Variants in OTOGL observed in about 807,000 individuals in gnomAD.
The protein encoded by OTOGL is otogelin-like protein.
In OTOGL, 285 loss-of-function variants were observed where a neutral mutation model predicts 318.5. The ratio of observed to expected loss-of-function variants is 0.89; its 90% CI spans 0.81 to 0.99. The LOEUF (loss-of-function observed/expected upper bound fraction) is 0.99, where lower values mean the gene tolerates loss of function less well. Ranked by LOEUF, OTOGL falls within the 50% of genes least tolerant of loss-of-function variation. The probability of loss-of-function intolerance (pLI) is 0.00; values close to 1 mark genes in which losing one functional copy is unlikely to be tolerated. For missense variants in OTOGL, 2,899 were observed against 2,845.6 expected (o/e 1.02, Z -0.43); for synonymous variants, 987 against 936.5 (o/e 1.05, Z -0.99).
At chr12:80,275,350 A>C (rs1022562313) in intron 24 of OTOGL, among the ~76,000 whole-genome samples, 20 of 151,944 alleles carry the variant, frequency 1.3e-4, no homozygotes, top group African/African-American at 4.8e-4. Context: ...GATGCAAAGG[A>C]AATAGCAAGA....
At chr12:80,352,150 GAATTTT>G in intron 44 of OTOGL, 139 bp from the exon 45 acceptor site, 4 of 682,608 alleles carry the variant, frequency 5.9e-6, no homozygotes, top group Non-Finnish European at 9.4e-6. Context: ...TTAATATTAA[GAATTTT>G]TGAAAATGTA....
Position 80,233,019 on chromosome 12 carries a change from G to A in OTOGL, c.739G>A (p.Glu247Lys). ...GISGIYLKLS[E>K]DHKGKSCGLC... is the part of the protein sequence containing the mutation. ...ATCTGGGATCTACCTCAAGCTGTCT[G>A]AGGACCATAAGGGGAAATCATGTGG... is the stretch of plus-strand genomic sequence containing the variant. Residue 247 changes from glutamate to lysine, a missense_variant, in exon 9 of 59, where the codon GAG becomes AAG. Physicochemically the swap from Glu to Lys is moderately conservative, Grantham distance 56. Around this residue, in one of 3 missense-constraint regions of OTOGL, gnomAD observed 2,607 missense variants for 2,524.9 expected, o/e 1.03. Coordinates refer to ENST00000547103, the MANE Select transcript of OTOGL (RefSeq NM_001378609.3). 1 of 1,598,794 alleles carries A rather than the reference G, an allele frequency of 6.3e-7. No homozygotes were observed. The highest frequency in any genetic ancestry group is 8.5e-7 in the Non-Finnish European group (1 of 1,179,192).
At chr12:80,368,383 TC>T (rs57527553) in intron 55 of OTOGL, 74 bp downstream of exon 55, 5 of 708,212 alleles carry the variant, frequency 7.1e-6, no homozygotes, top group Non-Finnish European at 7.2e-6. Flanking sequence ...TTGGAAAATG[TC>T]CCCCCCCACA....
chr12:80,377,460 C>A (rs1389779270), intron 58 of OTOGL, among the ~76,000 whole-genome samples: 1 of 152,102 alleles, frequency 6.6e-6, no homozygotes, highest in African/African-American at 2.4e-5. Context: ...TACATGTTGT[C>A]TTCACTATGC....
rs1869937933 is a variant in OTOGL, at chr12:80,112,896, T to C, written c.-20+13291T>C. Reference sequence around the variant, plus strand: ...AATCTGTCTGGTCCTGGACTTTTTTTGGTTGGTAGGCTATTAATTACTGTC... The same window carrying C: ...AATCTGTCTGGTCCTGGACTTTTTTCGGTTGGTAGGCTATTAATTACTGTC... On this transcript the variant is annotated intron_variant, in intron 1 of 58. Coordinates refer to ENST00000547103, the MANE Select transcript of OTOGL (RefSeq NM_001378609.3). 3.9e-5 allele frequency among the ~76,000 whole-genome samples: 6 copies of C among 152,262 alleles called. No homozygotes were observed. The South Asian group carries it at 1.2e-3, about 32-fold the overall frequency.
intron 34 of OTOGL, among the ~76,000 whole-genome samples, chr12:80,322,237 A>G (rs1310048238): frequency 6.6e-6 from 1 of 152,202 alleles, no homozygotes; most frequent in Non-Finnish European, 1.5e-5. Flanking sequence ...ATAGCATTCC[A>G]TACAGTGGAT....
chr12:80,309,008 G>GAGAGGA (rs1886451353), intron 29 of OTOGL, among the ~76,000 whole-genome samples: 1 of 129,894 alleles, frequency 7.7e-6, no homozygotes, highest in Non-Finnish European at 1.7e-5. Context: ...GAGGGAGAGG[G>GAGAGGA]AGAGAAGAAG....
chr12:80,341,120 A>C (rs1888743091), intron 43 of OTOGL, among the ~76,000 whole-genome samples: 1 of 152,056 alleles, frequency 6.6e-6, no homozygotes, highest in Non-Finnish European at 1.5e-5. Context: ...AATATGTCTT[A>C]AAGTCGGGTG....
At chr12:80,174,865 C>T (rs1475131452) in intron 1 of OTOGL, among the ~76,000 whole-genome samples, 1 of 151,994 alleles carries the variant, frequency 6.6e-6, no homozygotes, top group East Asian at 1.9e-4. Context: ...TTGCCCACTT[C>T]TCATTACCAT....
intron 24 of OTOGL, among the ~76,000 whole-genome samples, chr12:80,275,653 A>C (rs1047550571): frequency 3.3e-5 from 5 of 151,980 alleles, no homozygotes; most frequent in Admixed American, 6.6e-5. Context: ...CTACAGAGAA[A>C]TCTTTTGTGA....
chr12:80,238,786 G>A (rs1880089108), intron 9 of OTOGL, 65 bp from the exon 10 acceptor site: 5 of 1,356,148 alleles, frequency 3.7e-6, no homozygotes, highest in African/African-American at 3.0e-5. Flanking sequence ...AACCATGTCT[G>A]TTTGTGGAAA....
At chr12:80,239,804 A>G (rs1306575299) in intron 11 of OTOGL, among the ~76,000 whole-genome samples, 2 of 151,926 alleles carry the variant, frequency 1.3e-5, no homozygotes, top group African/African-American at 4.8e-5. Flanking sequence ...AGTCCCCCCT[A>G]CTTTTCTATC....
At chr12:80,225,100 A>AT (rs879317243) in intron 7 of OTOGL, among the ~76,000 whole-genome samples, 1 of 152,126 alleles carries the variant, frequency 6.6e-6, no homozygotes, top group Non-Finnish European at 1.5e-5. Context: ...GTAAAAAAAA[A>AT]GAAATGAGAT....
At chr12:80,278,607 A>G (rs1401626542) in intron 25 of OTOGL, among the ~76,000 whole-genome samples, 1 of 151,612 alleles carries the variant, frequency 6.6e-6, no homozygotes, top group Non-Finnish European at 1.5e-5. Context: ...AGGTAAGTCA[A>G]AAGAATACCA....
chr12:80,147,029 A>C (rs1189733229), intron 1 of OTOGL, among the ~76,000 whole-genome samples: 6 of 151,000 alleles, frequency 4.0e-5, no homozygotes, highest in Non-Finnish European at 8.9e-5. Context: ...TAATTTTTTG[A>C]AGGGTTTTTT....
At chr12:80,364,581 C>T (rs1010358392) in intron 52 of OTOGL, among the ~76,000 whole-genome samples, 2 of 152,076 alleles carry the variant, frequency 1.3e-5, no homozygotes, top group African/African-American at 2.4e-5. Context: ...TCTCTCCAAA[C>T]TCTCCAGCCC....
intron 19 of OTOGL, among the ~76,000 whole-genome samples, chr12:80,263,635 A>G (rs79307438): frequency 0.067 from 10,151 of 152,168 alleles, 472 homozygotes; most frequent in Middle Eastern, 0.11. Flanking sequence ...TGCTATGTAC[A>G]TGCATACATA....
intron 5 of OTOGL, 132 bp downstream of exon 5, chr12:80,217,796 T>C: frequency 3.3e-6 from 2 of 612,364 alleles, no homozygotes; most frequent in Non-Finnish European, 5.3e-6. Context: ...TAATACTTAG[T>C]AATAATTTAA....
intron 55 of OTOGL, among the ~76,000 whole-genome samples, chr12:80,370,042 G>A (rs1253567355): frequency 1.3e-5 from 2 of 151,926 alleles, no homozygotes; most frequent in Non-Finnish European, 2.9e-5. Context: ...TTAAAATAAT[G>A]TAGGGTATAC....
Sources: gnomAD v4.1 joint callset for allele counts (sites outside exome capture counted in the v4.1 genomes callset) on GRCh38, gnomAD v4.1.1 for gene constraint, gnomAD v4.1.1 regional missense constraint, MANE v1.5 for transcripts, NCBI Gene and HGNC (gene_info 2026-07-23, HGNC 2026-07-21) for gene names.